SCHIP1: variants seen among roughly 807,000 people sequenced by gnomAD.
SCHIP1 encodes schwannomin-interacting protein 1.
Under a neutral mutation model 29.7 loss-of-function variants are expected in SCHIP1, and 8 were observed. The ratio of observed to expected loss-of-function variants is 0.27; its 90% CI spans 0.16 to 0.49. The LOEUF is 0.49. Ranked by LOEUF, SCHIP1 falls within the 20% of genes least tolerant of loss-of-function variation. SCHIP1 has a pLI of 0.99. For missense variants in SCHIP1, 193 were observed against 294.6 expected (o/e 0.66, Z 2.52); for synonymous variants, 76 against 94.9 (o/e 0.80, Z 1.16).
At chr3:159,540,899 G>C in the SCHIP1 span, among the ~76,000 whole-genome samples, 1 of 151,974 alleles carries the variant, frequency 6.6e-6, no homozygotes, top group South Asian at 2.1e-4. Context: ...CTATTACTGA[G>C]AGCCCTCAAC....
At chr3:159,633,586 T>C in the SCHIP1 span, among the ~76,000 whole-genome samples, 1 of 152,132 alleles carries the variant, frequency 6.6e-6, no homozygotes, top group Non-Finnish European at 1.5e-5. Flanking sequence ...ACTGGAAGCA[T>C]GAAAAGAATG....
the SCHIP1 span, among the ~76,000 whole-genome samples, chr3:159,314,992 G>C: frequency 6.6e-6 from 1 of 152,248 alleles, no homozygotes; most frequent in Admixed American, 6.5e-5. Flanking sequence ...TTGTTGGAAT[G>C]TCCACATTTC....
chr3:159,764,728 T>C, the SCHIP1 span: 1 of 1,573,846 alleles, frequency 6.4e-7, no homozygotes, highest in Non-Finnish European at 8.6e-7. This position sits in a 1 kb window ranked among gnomAD's most constrained non-coding sequence, Gnocchi z 6.1. Context: ...GGATGACCGC[T>C]CTCCGGCCCG....
the SCHIP1 span, among the ~76,000 whole-genome samples, chr3:159,425,933 T>C: frequency 7.9e-5 from 12 of 152,232 alleles, no homozygotes; most frequent in African/African-American, 2.7e-4. Context: ...AACCTGCTCC[T>C]GAATGACTAC....
the SCHIP1 span, among the ~76,000 whole-genome samples, chr3:159,644,091 G>T: frequency 6.6e-6 from 1 of 151,992 alleles, no homozygotes; most frequent in Non-Finnish European, 1.5e-5. Context: ...GTTTTGAGGG[G>T]CCCACAGAAA....
At chr3:159,397,136 T>G in the SCHIP1 span, among the ~76,000 whole-genome samples, 1 of 151,804 alleles carries the variant, frequency 6.6e-6, no homozygotes, top group Non-Finnish European at 1.5e-5. Flanking sequence ...TTCTGCATTC[T>G]TCACGTAGTT....
the SCHIP1 span, among the ~76,000 whole-genome samples, chr3:159,401,676 T>TA: frequency 6.6e-6 from 1 of 152,202 alleles, no homozygotes; most frequent in Non-Finnish European, 1.5e-5. Flanking sequence ...GTGAGTTACT[T>TA]ATAGAAACAT....
the SCHIP1 span, among the ~76,000 whole-genome samples, chr3:159,440,603 C>T: frequency 6.6e-6 from 1 of 151,950 alleles, no homozygotes; most frequent in Non-Finnish European, 1.5e-5. Context: ...TAAGAATTGC[C>T]CCAATTTTAA....
chr3:159,455,851 G>A, the SCHIP1 span, among the ~76,000 whole-genome samples: 4 of 152,174 alleles, frequency 2.6e-5, no homozygotes, highest in Non-Finnish European at 5.9e-5. Context: ...GAGACATCCT[G>A]GGCTGGTGAG....
the SCHIP1 span, among the ~76,000 whole-genome samples, chr3:159,436,772 T>G: frequency 2.6e-5 from 4 of 152,094 alleles, no homozygotes; most frequent in African/African-American, 9.7e-5. Flanking sequence ...AGGTGTCAGG[T>G]ACAATTGAGC....
At chr3:159,758,502 T>C in the SCHIP1 span, among the ~76,000 whole-genome samples, 1 of 150,294 alleles carries the variant, frequency 6.7e-6, no homozygotes, top group African/African-American at 2.5e-5. Flanking sequence ...TAGAATATAG[T>C]GGCAGAAACC....
chr3:159,319,133 C>A, the SCHIP1 span, among the ~76,000 whole-genome samples: 113 of 152,084 alleles, frequency 7.4e-4, no homozygotes, highest in African/African-American at 2.7e-3. Context: ...TTGATAGAGA[C>A]TGAAAAAAAT....
chr3:159,630,052 C>G, the SCHIP1 span, among the ~76,000 whole-genome samples: 1 of 151,996 alleles, frequency 6.6e-6, no homozygotes, highest in Non-Finnish European at 1.5e-5. Flanking sequence ...ACAGTGGCAG[C>G]CAAAGAGAAT....
At chr3:159,780,122 T>C in the SCHIP1 span, among the ~76,000 whole-genome samples, 1 of 152,184 alleles carries the variant, frequency 6.6e-6, no homozygotes, top group Non-Finnish European at 1.5e-5. Context: ...GAACTTCAGC[T>C]CCAGTTCCTT....
chr3:159,765,228 GC>G, the SCHIP1 span: 1 of 1,376,844 alleles, frequency 7.3e-7, no homozygotes, highest in Admixed American at 2.7e-5. Flanking sequence ...GCTCCCGCCC[GC>G]CCGCGGCCCC....
the SCHIP1 span, among the ~76,000 whole-genome samples, chr3:159,572,586 A>G: frequency 6.6e-6 from 1 of 152,166 alleles, no homozygotes; most frequent in African/African-American, 2.4e-5. Flanking sequence ...AGAAGAATGT[A>G]TATTCTGTTT....
At chr3:159,354,744 T>G in the SCHIP1 span, among the ~76,000 whole-genome samples, 12 of 152,286 alleles carry the variant, frequency 7.9e-5, no homozygotes, top group Middle Eastern at 3.4e-3. Flanking sequence ...TAGCATTTTT[T>G]TAAACTTTAT....
chr3:159,415,343 T>C, the SCHIP1 span, among the ~76,000 whole-genome samples: 3 of 152,298 alleles, frequency 2.0e-5, 1 homozygote, highest in African/African-American at 7.2e-5. Flanking sequence ...GAAGGTTCGT[T>C]ATATAGGTAA....
At chr3:159,288,941 C>T in the SCHIP1 span, among the ~76,000 whole-genome samples, 3 of 152,134 alleles carry the variant, frequency 2.0e-5, no homozygotes, top group Admixed American at 6.5e-5. Context: ...TCAGTCTTCC[C>T]TATGTAAGTC....
Sources: gnomAD v4.1 joint callset for allele counts (sites outside exome capture counted in the v4.1 genomes callset) on GRCh38, gnomAD v4.1.1 for gene constraint, Gnocchi (gnomAD v3.1) non-coding constraint, MANE v1.5 for transcripts, NCBI Gene and HGNC (gene_info 2026-07-23, HGNC 2026-07-21) for gene names.